PPP1R37: variants seen among roughly 807,000 people sequenced by gnomAD.
The protein encoded by PPP1R37 is protein phosphatase 1 regulatory subunit 37, also known as leucine rich repeat containing 68.
A neutral mutation model predicts 61.0 loss-of-function variants in PPP1R37; 21 were observed. The ratio of observed to expected loss-of-function variants is 0.34; its 90% CI spans 0.24 to 0.50. The LOEUF (loss-of-function observed/expected upper bound fraction) is 0.50. Among genes scored for constraint, PPP1R37 ranks in the 20% least tolerant of loss-of-function variants. PPP1R37 has a pLI of 0.98. For missense variants in PPP1R37, 910 were observed against 952.7 expected, an observed-to-expected ratio of 0.96 and a Z score of 0.59; for synonymous variants, 443 against 433.5, an observed-to-expected ratio of 1.02 and a Z score of -0.27.
intron 1 of PPP1R37, among the ~76,000 whole-genome samples, chr19:45,095,813 G>A (rs1291786887): frequency 6.6e-6 from 1 of 151,652 alleles, no homozygotes; most frequent in East Asian, 1.9e-4. Flanking sequence ...AAGTCCTTGG[G>A]CTCTAGGCCC....
chr19:45,100,854 T>C (rs1444318952), intron 1 of PPP1R37, among the ~76,000 whole-genome samples: 3 of 152,332 alleles, frequency 2.0e-5, no homozygotes, highest in Non-Finnish European at 4.4e-5. Flanking sequence ...AGATTTGTGC[T>C]GCTCCTCTGT....
chr19:45,099,540 G>T (rs1416694422), intron 1 of PPP1R37, among the ~76,000 whole-genome samples: 2 of 152,206 alleles, frequency 1.3e-5, no homozygotes, highest in Non-Finnish European at 2.9e-5. Context: ...GTTAGTGGTG[G>T]TATTGTGCTG....
chr19:45,138,451 G>T, intron 1 of PPP1R37, 63 bp from the exon 2 acceptor site: 2 of 1,237,440 alleles, frequency 1.6e-6, no homozygotes, highest in Non-Finnish European at 2.3e-6. Context: ...GCGGGAGTGG[G>T]TGGAGCCCCA....
At chr19:45,144,681 G>T (rs1968660380) in intron 8 of PPP1R37, 173 bp from the exon 9 acceptor site, 1 of 576,310 alleles carries the variant, frequency 1.7e-6, no homozygotes, top group African/African-American at 2.1e-5. Context: ...GGCACAGGAG[G>T]GACTTCAGGC....
At chr19:45,126,686 C>T (rs1968409083) in intron 1 of PPP1R37, among the ~76,000 whole-genome samples, 1 of 152,224 alleles carries the variant, frequency 6.6e-6, no homozygotes, top group Admixed American at 6.5e-5. Flanking sequence ...AATGACATCT[C>T]TATTTCCATG....
chr19:45,117,898 C>T lies in PPP1R37; in HGVS notation c.203-20616C>T, dbSNP rs568952738. 2.0e-5 allele frequency among the ~76,000 whole-genome samples: 3 copies of T among 152,346 alleles called. No homozygotes were observed. In the South Asian group the frequency reaches 6.2e-4, roughly 32 times the overall value. On this transcript the variant is annotated intron_variant, in intron 1 of 12. Coordinates refer to ENST00000221462, the MANE Select transcript of PPP1R37 (RefSeq NM_019121.2). ...GGCTCAGCTGATGAGCCCGAGGCTG[C>T]TGGGGAAGGTGTCCTCCTCAGCCTT...
chr19:45,105,353 T>C (rs1568440393), intron 1 of PPP1R37, among the ~76,000 whole-genome samples: 1 of 151,380 alleles, frequency 6.6e-6, no homozygotes, highest in Non-Finnish European at 1.5e-5. Context: ...TTGCTGGGGG[T>C]CATAGGCCAG....
intron 2 of PPP1R37, among the ~76,000 whole-genome samples, chr19:45,139,714 C>A (rs1968584863): frequency 6.6e-6 from 1 of 152,308 alleles, no homozygotes; most frequent in South Asian, 2.1e-4. Flanking sequence ...GTCCTTGGAC[C>A]CCATCGGCCT....
At position 45,144,670 on chromosome 19, in the gene PPP1R37, A is replaced by G. The variant is rs148631978; in HGVS notation, c.988-184A>G. 2.2e-3 allele frequency: 1,227 copies of G among 557,282 alleles called. 5 individuals carry two copies. The highest frequency in any genetic ancestry group is 3.4e-3 in the Non-Finnish European group (1,110 of 325,700). 34.5% of individuals were successfully genotyped at this position (557,282 alleles called of 1,614,324 possible). On this transcript the variant is annotated intron_variant, in intron 8 of 12. Transcript: ENST00000221462. ...GGGACCTGGCATTTGGGGAGACTTC[A>G]GGCACAGGAGGGACTTCAGGCCAGG... is the stretch of plus-strand genomic sequence containing the variant.
intron 1 of PPP1R37, among the ~76,000 whole-genome samples, chr19:45,120,238 C>T (rs543089091): frequency 7.9e-5 from 12 of 152,176 alleles, no homozygotes; most frequent in Admixed American, 5.9e-4. Context: ...AGGATGGTCT[C>T]GATCTCCTGA....
At chr19:45,113,933 C>G (rs1419898722) in intron 1 of PPP1R37, among the ~76,000 whole-genome samples, 2 of 152,148 alleles carry the variant, frequency 1.3e-5, no homozygotes. Context: ...GACTGGGGGC[C>G]CCTGGCTGGA....
At chr19:45,120,497 T>G (rs1330202890) in intron 1 of PPP1R37, among the ~76,000 whole-genome samples, 3 of 152,204 alleles carry the variant, frequency 2.0e-5, no homozygotes, top group Non-Finnish European at 1.5e-5. Context: ...TGCTGGTGGA[T>G]ATTGTGGTTG....
intron 1 of PPP1R37, chr19:45,129,061 C>T: frequency 1.4e-6 from 1 of 705,728 alleles, no homozygotes; most frequent in Non-Finnish European, 2.6e-6. Flanking sequence ...GTGGTGGCAG[C>T]AGTGATCTTC....
chr19:45,117,646 G>A (rs1249766176), intron 1 of PPP1R37, among the ~76,000 whole-genome samples: 1 of 152,156 alleles, frequency 6.6e-6, no homozygotes, highest in Non-Finnish European at 1.5e-5. Flanking sequence ...GCCTACCATG[G>A]GCATGCAGTT....
chr19:45,140,027 C>G (rs868715170), intron 2 of PPP1R37, among the ~76,000 whole-genome samples: 11 of 152,368 alleles, frequency 7.2e-5, no homozygotes, highest in Middle Eastern at 3.4e-3. Flanking sequence ...CTGGCTGGTC[C>G]TCAGTTGTGT....
chr19:45,127,201 T>C (rs941266879), intron 1 of PPP1R37, among the ~76,000 whole-genome samples: 1 of 151,840 alleles, frequency 6.6e-6, no homozygotes, highest in Non-Finnish European at 1.5e-5. Context: ...AATACAAAAT[T>C]AGCCTGGCGT....
intron 1 of PPP1R37, among the ~76,000 whole-genome samples, chr19:45,103,345 C>A (rs1452989947): frequency 6.6e-6 from 1 of 152,228 alleles, no homozygotes; most frequent in Non-Finnish European, 1.5e-5. Context: ...GGGTCGGGAG[C>A]CCTGCAGTCG....
chr19:45,126,284 G>C (rs975176457), intron 1 of PPP1R37, among the ~76,000 whole-genome samples: 1 of 152,216 alleles, frequency 6.6e-6, no homozygotes, highest in African/African-American at 2.4e-5. Flanking sequence ...TGTAACATAC[G>C]GTTCTGGAGG....
intron 1 of PPP1R37, among the ~76,000 whole-genome samples, chr19:45,106,242 GTTTTTGTTTTTT>G (rs1276634992): frequency 6.6e-6 from 1 of 151,834 alleles, no homozygotes; most frequent in African/African-American, 2.4e-5. Flanking sequence ...TTTTGTTTTT[GTTTTTGTTTTTT>G]TTTTGAGATG....
Sources: gnomAD v4.1 joint callset for allele counts (sites outside exome capture counted in the v4.1 genomes callset) on GRCh38, gnomAD v4.1.1 for gene constraint, MANE v1.5 for transcripts, NCBI Gene and HGNC (gene_info 2026-07-23, HGNC 2026-07-21) for gene names.